The following NRXN3 variants were observed in gnomAD, a reference collection of about 807,000 sequenced individuals.
NRXN3 encodes neurexin 3, also known as neurexin III.
A neutral mutation model predicts 137.6 loss-of-function variants in NRXN3; 32 were observed. That is an observed-to-expected ratio of 0.23 (90% confidence interval 0.18 to 0.31). The LOEUF is 0.31. Among genes scored for constraint, NRXN3 ranks in the 10% least tolerant of loss-of-function variants. NRXN3 has a pLI of 1.00. For missense variants in NRXN3, 1,574 were observed against 2,062.5 expected (o/e 0.76, Z 4.59); for synonymous variants, 798 against 784.5 (o/e 1.02, Z -0.29).
chr14:78,826,134 A>G (rs1002931307), intron 10 of NRXN3, among the ~76,000 whole-genome samples: 14 of 152,372 alleles, frequency 9.2e-5, no homozygotes, highest in Non-Finnish European at 2.1e-4. Context: ...GATATGGAGG[A>G]TACAGGACCA....
chr14:79,076,127 G>A (rs899214021), intron 15 of NRXN3, among the ~76,000 whole-genome samples: 6 of 152,142 alleles, frequency 3.9e-5, no homozygotes, highest in Non-Finnish European at 5.9e-5. Flanking sequence ...GGTGAGACAC[G>A]TGCTGGCCAT....
At chr14:78,561,595 C>A (rs1286054905) in intron 4 of NRXN3, among the ~76,000 whole-genome samples, 3 of 152,154 alleles carry the variant, frequency 2.0e-5, no homozygotes, top group African/African-American at 7.2e-5. Context: ...ATCTTGCCCA[C>A]ACATCTCCTT....
chr14:78,504,037 G>C (rs1599584334), intron 4 of NRXN3, among the ~76,000 whole-genome samples: 1 of 152,202 alleles, frequency 6.6e-6, no homozygotes, highest in South Asian at 2.1e-4. Context: ...AGTCTTTACT[G>C]CAGGATTTCT....
At chr14:78,401,844 T>C (rs973676961) in intron 4 of NRXN3, among the ~76,000 whole-genome samples, 2 of 152,182 alleles carry the variant, frequency 1.3e-5, no homozygotes, top group African/African-American at 4.8e-5. Context: ...CAATACACAA[T>C]AGAGGAACAT....
chr14:78,866,206 C>G (rs74878953), intron 10 of NRXN3, among the ~76,000 whole-genome samples: 3,276 of 152,084 alleles, frequency 0.022, 130 homozygotes, highest in African/African-American at 0.075. Flanking sequence ...AAGCATAGCT[C>G]TAAAGGGAAG....
At chr14:79,251,821 T>C (rs1008728494) in intron 15 of NRXN3, among the ~76,000 whole-genome samples, 2 of 152,028 alleles carry the variant, frequency 1.3e-5, no homozygotes, top group Non-Finnish European at 2.9e-5. Context: ...TTTTTGTTTC[T>C]TTTCTTTTCT....
At chr14:78,223,194 G>T (rs180807974) in intron 1 of NRXN3, among the ~76,000 whole-genome samples, 1 of 152,312 alleles carries the variant, frequency 6.6e-6, no homozygotes, top group African/African-American at 2.4e-5. Flanking sequence ...CCTGCAAAAG[G>T]GGGAGGCTGA....
At chr14:79,209,636 T>C (rs1411637387) in intron 15 of NRXN3, among the ~76,000 whole-genome samples, 1 of 152,174 alleles carries the variant, frequency 6.6e-6, no homozygotes, top group Non-Finnish European at 1.5e-5. Context: ...TTACTAATTA[T>C]CTTTGTTTAT....
chr14:78,909,149 T>A (rs75724442), intron 10 of NRXN3, among the ~76,000 whole-genome samples: 4 of 152,136 alleles, frequency 2.6e-5, no homozygotes, highest in Admixed American at 2.0e-4. Context: ...GAACTTTCAA[T>A]GAAAATTTTA....
chr14:79,216,316 C>T (rs561222042), intron 15 of NRXN3, among the ~76,000 whole-genome samples: 1 of 152,240 alleles, frequency 6.6e-6, no homozygotes, highest in Non-Finnish European at 1.5e-5. Context: ...TCCAAGAGAA[C>T]CAGGTGGAAG....
At chr14:78,887,575 G>A (rs1043519635) in intron 10 of NRXN3, among the ~76,000 whole-genome samples, 1 of 152,038 alleles carries the variant, frequency 6.6e-6, no homozygotes, top group Non-Finnish European at 1.5e-5. Flanking sequence ...TTTCCTGAAT[G>A]TGCTATAGAC....
intron 14 of NRXN3, 83 bp from the exon 15 acceptor site, chr14:78,987,939 C>G (rs2099510416): frequency 6.9e-7 from 1 of 1,452,388 alleles, no homozygotes; most frequent in African/African-American, 1.4e-5. Context: ...ATGGTAAATT[C>G]AGGTGATTTC....
At chr14:79,086,518 T>C (rs1176356782) in intron 15 of NRXN3, among the ~76,000 whole-genome samples, 1 of 152,054 alleles carries the variant, frequency 6.6e-6, no homozygotes, top group Non-Finnish European at 1.5e-5. Context: ...TCATTTTAAA[T>C]TGTGGTGTTT....
intron 3 of NRXN3, among the ~76,000 whole-genome samples, chr14:78,291,416 C>T (rs557545456): frequency 8.5e-5 from 13 of 152,300 alleles, no homozygotes; most frequent in Admixed American, 4.6e-4. Context: ...AACTGAATTC[C>T]GTCTCTTTAG....
At chr14:79,094,125 C>A (rs928650989) in intron 15 of NRXN3, among the ~76,000 whole-genome samples, 14 of 152,080 alleles carry the variant, frequency 9.2e-5, no homozygotes, top group African/African-American at 3.1e-4. Context: ...AATAGATGAA[C>A]AGCCCAGCTT....
intron 15 of NRXN3, among the ~76,000 whole-genome samples, chr14:79,430,688 G>A (rs1191673460): frequency 2.0e-5 from 3 of 152,176 alleles, no homozygotes; most frequent in Admixed American, 1.3e-4. Flanking sequence ...CACTGCAATA[G>A]GAAGGTGATC....
At chr14:79,562,941 A>G (rs534616996) in intron 16 of NRXN3, among the ~76,000 whole-genome samples, 2 of 152,286 alleles carry the variant, frequency 1.3e-5, no homozygotes, top group East Asian at 3.9e-4. Context: ...AAAACATGGA[A>G]AAAACTTTGG....
At chr14:78,952,789 C>T (rs895681304) in intron 10 of NRXN3, among the ~76,000 whole-genome samples, 27 of 152,122 alleles carry the variant, frequency 1.8e-4, no homozygotes, top group African/African-American at 5.3e-4. Context: ...TCATTTACCT[C>T]TTTGAATAAA....
At chr14:78,173,766 C>T (rs12885580) in intron 1 of NRXN3, among the ~76,000 whole-genome samples, 6 of 131,350 alleles carry the variant, frequency 4.6e-5, no homozygotes, top group Admixed American at 1.7e-4. Context: ...ACATGCCACA[C>T]GGATGCAGCC....
Sources: allele counts gnomAD v4.1 joint callset (sites outside exome capture counted in the v4.1 genomes callset), GRCh38; gene constraint gnomAD v4.1.1; transcripts MANE v1.5; gene names NCBI Gene and HGNC (gene_info 2026-07-23, HGNC 2026-07-21).